Variants in EFCAB6 observed in about 807,000 individuals in gnomAD.
EFCAB6 encodes the protein EF-hand calcium binding domain 6, also known as EF-hand calcium-binding domain-containing protein 6.
Under a neutral mutation model 169.8 loss-of-function variants are expected in EFCAB6, and 156 were observed. That is an observed-to-expected ratio of 0.92 (90% CI 0.81 to 1.05). The LOEUF is 1.05. Among genes scored for constraint, EFCAB6 ranks in the 50% least tolerant of loss-of-function variants. The pLI, the probability that EFCAB6 is intolerant of heterozygous loss-of-function variation, is 0.00. For synonymous variants in EFCAB6, 698 were observed against 676.4 expected (o/e 1.03, Z -0.50); for missense variants, 1,800 against 1,829.1 (o/e 0.98, Z 0.29).
chr22:43,554,526 G>A (rs909955), intron 27 of EFCAB6: 74,902 of 252,720 alleles, frequency 0.3, 12,197 homozygotes, highest in East Asian at 0.62. Flanking sequence ...TACTGCCTGC[G>A]CAACACTGGC....
intron 23 of EFCAB6, among the ~76,000 whole-genome samples, chr22:43,598,243 G>T (rs1475798770): frequency 6.9e-6 from 1 of 145,898 alleles, no homozygotes; most frequent in Admixed American, 7.0e-5. Context: ...GAAAGTTGAG[G>T]CTGCAGTGAG....
intron 23 of EFCAB6, among the ~76,000 whole-genome samples, chr22:43,593,963 C>G (rs752570116): frequency 1.3e-5 from 2 of 152,102 alleles, no homozygotes; most frequent in Non-Finnish European, 2.9e-5. Context: ...ATTTTTTTCT[C>G]TGTTATAAAT....
Position 43,673,817 on chromosome 22 carries a change from A to G in EFCAB6, c.1420-1512T>C, listed in dbSNP as rs986824392. 2.0e-5 allele frequency among the ~76,000 whole-genome samples: 3 copies of G among 152,220 alleles called. No homozygotes were observed. In the East Asian group the frequency reaches 5.8e-4, roughly 29 times the overall value. The stretch of plus-strand genomic sequence containing the variant: ...AATAAAATTAGATAGCAGAACTTTT[A>G]TTGACGTTAAGTGTTAACAGTATGT... On this transcript the variant is annotated intron_variant, in intron 13 of 31. Transcript: ENST00000262726.
intron 10 of EFCAB6, among the ~76,000 whole-genome samples, chr22:43,701,002 A>C (rs1415084493): frequency 6.6e-6 from 1 of 152,234 alleles, no homozygotes; most frequent in Non-Finnish European, 1.5e-5. Flanking sequence ...TAAAAGATAA[A>C]TAAAAGAGTC....
rs8141450 is a variant in EFCAB6 at position 43,683,765 on chromosome 22, T to C, written c.1233A>G (p.Ala411=). The C allele has an allele frequency of 0.13, 209,931 of 1,609,936 alleles. 15,063 individuals carry two copies. The highest frequency in any genetic ancestry group is 0.14 in the Non-Finnish European group (168,463 of 1,176,232). ...ATCTTACAGTGTTGATTATCAGTAATGCTTTCTTCAGTGACGCAGAGTGAT... is the reference window on the plus strand; with the variant it reads ...ATCTTACAGTGTTGATTATCAGTAACGCTTTCTTCAGTGACGCAGAGTGAT... ...TEDHSASLKK[A]LLIINTKPDG... The change falls in exon 12 of 32, where the codon GCA becomes GCG. Residue 411 remains alanine (A), a synonymous_variant. Coordinates refer to ENST00000262726, the MANE Select transcript of EFCAB6 (RefSeq NM_022785.4).
chr22:43,576,998 G>T (rs2050299776), intron 25 of EFCAB6, among the ~76,000 whole-genome samples: 1 of 152,134 alleles, frequency 6.6e-6, no homozygotes, highest in African/African-American at 2.4e-5. Flanking sequence ...AGGGATCAGG[G>T]GACCACCCTG....
At chr22:43,742,773 G>A (rs928549524) in intron 6 of EFCAB6, among the ~76,000 whole-genome samples, 1 of 152,204 alleles carries the variant, frequency 6.6e-6, no homozygotes, top group East Asian at 1.9e-4. Flanking sequence ...CTGCCCTCCC[G>A]GCACCCCCAC....
chr22:43,564,134 AC>A (rs2147148488), intron 26 of EFCAB6, among the ~76,000 whole-genome samples: 1 of 152,288 alleles, frequency 6.6e-6, no homozygotes, highest in East Asian at 1.9e-4. Context: ...ATCTTCCAGG[AC>A]ATCCCCCATG....
intron 27 of EFCAB6, among the ~76,000 whole-genome samples, chr22:43,548,748 A>G (rs2048219744): frequency 6.6e-6 from 1 of 152,064 alleles, no homozygotes; most frequent in Non-Finnish European, 1.5e-5. Context: ...GGATGGGCCA[A>G]AGAGACAAAA....
intron 23 of EFCAB6, among the ~76,000 whole-genome samples, chr22:43,590,836 A>C (rs1285068368): frequency 6.6e-6 from 1 of 152,094 alleles, no homozygotes; most frequent in Non-Finnish European, 1.5e-5. Context: ...AGATGGATGC[A>C]AAAGAGTCAG....
intron 2 of EFCAB6, among the ~76,000 whole-genome samples, chr22:43,789,980 G>A (rs930585358): frequency 6.6e-6 from 1 of 152,092 alleles, no homozygotes; most frequent in Non-Finnish European, 1.5e-5. Flanking sequence ...CGAGTATACA[G>A]AATCAGACTA....
intron 20 of EFCAB6, among the ~76,000 whole-genome samples, chr22:43,616,333 C>T (rs5764690): frequency 0.68 from 103,594 of 152,112 alleles, 35,451 homozygotes; most frequent in Admixed American, 0.77. Context: ...GGGAACTTCT[C>T]AGTCTCAGCT....
At chr22:43,578,264 A>G (rs2050391852) in intron 25 of EFCAB6, among the ~76,000 whole-genome samples, 1 of 152,140 alleles carries the variant, frequency 6.6e-6, no homozygotes, top group Non-Finnish European at 1.5e-5. Context: ...ATCAAAGAGA[A>G]AAAGACTCAT....
chr22:43,666,066 G>A (rs977005927), intron 17 of EFCAB6, among the ~76,000 whole-genome samples: 2 of 152,204 alleles, frequency 1.3e-5, no homozygotes, highest in Admixed American at 1.3e-4. Flanking sequence ...GGGATTACAG[G>A]CGTGAGCTAC....
At chr22:43,654,640 G>A (rs2056645880) in intron 17 of EFCAB6, among the ~76,000 whole-genome samples, 2 of 152,194 alleles carry the variant, frequency 1.3e-5, no homozygotes, top group Non-Finnish European at 2.9e-5. Context: ...TCAAAAACAA[G>A]GCAAGTCTAG....
intron 1 of EFCAB6, among the ~76,000 whole-genome samples, chr22:43,810,721 C>T (rs1230964638): frequency 6.6e-6 from 1 of 152,156 alleles, no homozygotes; most frequent in African/African-American, 2.4e-5. Context: ...GTAAGCACTT[C>T]TTGATAAATA....
chr22:43,635,272 C>A (rs1434373632), intron 17 of EFCAB6, 56 bp from the exon 18 acceptor site: 16 of 1,257,756 alleles, frequency 1.3e-5, no homozygotes, highest in East Asian at 2.3e-5. Flanking sequence ...CGGGTCACTA[C>A]TCCCAGAGCA....
chr22:43,573,274 T>C (rs2050009887), intron 26 of EFCAB6, among the ~76,000 whole-genome samples: 1 of 152,300 alleles, frequency 6.6e-6, no homozygotes, highest in African/African-American at 2.4e-5. Context: ...TGTTTTTAAA[T>C]CTTTTGCAAC....
intron 6 of EFCAB6, among the ~76,000 whole-genome samples, chr22:43,748,371 G>A (rs907454568): frequency 6.6e-6 from 1 of 152,112 alleles, no homozygotes. Flanking sequence ...CAGAATAGCC[G>A]CAGGGCTTGT....
Sources: allele counts gnomAD v4.1 joint callset (sites outside exome capture counted in the v4.1 genomes callset), GRCh38; gene constraint gnomAD v4.1.1; transcripts MANE v1.5; gene names NCBI Gene and HGNC (gene_info 2026-07-23, HGNC 2026-07-21).